Variants in COL4A1 observed in about 807,000 individuals in gnomAD.
COL4A1 encodes collagen alpha-1(IV) chain.
A neutral mutation model predicts 216.6 loss-of-function variants in COL4A1; 40 were observed. That is an observed-to-expected ratio of 0.18 (90% CI 0.14 to 0.24). COL4A1 has a LOEUF of 0.24. COL4A1 is among the 10% of genes least tolerant of loss of function. The pLI is 1.00. For missense variants in COL4A1, 1,628 were observed against 2,196.8 expected (o/e 0.74, Z 5.18); for synonymous variants, 839 against 810.7 (o/e 1.03, Z -0.59).
intron 45 of COL4A1, 103 bp from the exon 46 acceptor site, chr13:110,165,093 ACT>A: frequency 1.3e-6 from 2 of 1,516,716 alleles, no homozygotes; most frequent in East Asian, 4.8e-5. Flanking sequence ...AATGGAACGT[ACT>A]TCTCAAAGGT....
rs888035162 is a variant in COL4A1, at chr13:110,207,767, G to A, written c.694-278C>T. Reference sequence around the variant, plus strand: ...ATCTGAACACCTGCAAGACACCTCCGGACTTGCGTGCCCCTGTATAGTGTA... The same window carrying A: ...ATCTGAACACCTGCAAGACACCTCCAGACTTGCGTGCCCCTGTATAGTGTA... On this transcript the variant is annotated intron_variant, in intron 12 of 51. Coordinates refer to ENST00000375820, the MANE Select transcript of COL4A1 (RefSeq NM_001845.6). The surrounding 1 kb of genome is among the most constrained non-coding windows in gnomAD (Gnocchi z 4.4). 2.2e-4 allele frequency among the ~76,000 whole-genome samples: 34 copies of A among 152,228 alleles called. No individual in the cohort carries two copies. The highest frequency in any genetic ancestry group is 4.1e-4 in the African/African-American group (17 of 41,534).
rs780004769 is a variant in COL4A1 at position 110,156,851 on chromosome 13, T to A, written c.4641-1454A>T. ...AATAGGGCTGAATGAGTCATTTGATTTTCCATGGACTTGTGTGTGTGTCTG... is the reference window on the plus strand; with the variant it reads ...AATAGGGCTGAATGAGTCATTTGATATTCCATGGACTTGTGTGTGTGTCTG... On this transcript the variant is annotated intron_variant, in intron 49 of 51. Transcript: ENST00000375820. Among the ~76,000 whole-genome samples, 52 of 152,214 alleles carry A rather than the reference T, an allele frequency of 3.4e-4. 1 individual carries two copies. Among genetic ancestry groups the A allele is most frequent in the Admixed American group, 4.6e-4 (7 of 15,270 alleles).
intron 2 of COL4A1, among the ~76,000 whole-genome samples, chr13:110,216,572 C>G (rs1232492741): frequency 6.6e-6 from 1 of 152,106 alleles, no homozygotes; most frequent in Non-Finnish European, 1.5e-5. Context: ...CGCCATGAGA[C>G]CAGCGATGAT....
chr13:110,207,585 T>C lies in COL4A1; in HGVS notation c.694-96A>G. On this transcript the variant is annotated intron_variant, in intron 12 of 51. Coordinates refer to ENST00000375820, the MANE Select transcript of COL4A1 (RefSeq NM_001845.6). This position sits in a 1 kb window ranked among gnomAD's most constrained non-coding sequence, Gnocchi z 4.4. ...AGGTAAAAGCCTAAAATAAAACACCTATTTTTAAAATGTAATTATACTCTA... is the reference window on the plus strand; with the variant it reads ...AGGTAAAAGCCTAAAATAAAACACCCATTTTTAAAATGTAATTATACTCTA... 1 of 941,360 alleles carries C rather than the reference T, an allele frequency of 1.1e-6. No individual in the cohort carries two copies. Among genetic ancestry groups the C allele is most frequent in the Non-Finnish European group, 1.7e-6 (1 of 584,792 alleles). 58.3% of individuals were successfully genotyped at this position (941,360 alleles called of 1,614,324 possible). A position where few individuals can be genotyped will look rare whatever the true frequency, so the allele number is the denominator to read the frequency against.
At position 110,175,255 on chromosome 13, in the gene COL4A1, G is replaced by T; in HGVS notation, c.3161C>A (p.Pro1054Gln). The change falls in exon 37 of 52, where the codon CCA (proline) becomes CAA (glutamine). Residue 1054 changes from proline (P) to glutamine (Q), a missense_variant. Pro to Gln is a moderately conservative substitution (Grantham distance 76). Transcript: ENST00000375820. ...CAGCCCTGGGATGCCTATGCCAGGT[G>T]GGCCTGCCTGCCCTTTCTCTCCTTT... ...GAKGEKGQAG[P>Q]PGIGIPGLRG... 6.2e-7 allele frequency: 1 copy of T among 1,614,206 alleles called. No homozygotes were observed. Among genetic ancestry groups the T allele is most frequent in the Non-Finnish European group, 8.5e-7 (1 of 1,180,006 alleles).
At chr13:110,165,583 C>T (rs1039217773) in intron 45 of COL4A1, among the ~76,000 whole-genome samples, 20 of 151,604 alleles carry the variant, frequency 1.3e-4, no homozygotes, top group Middle Eastern at 3.4e-3. Context: ...TTCCACACAC[C>T]CTCCCTCACC....
At chr13:110,192,981 G>T in intron 22 of COL4A1, 68 bp from the exon 23 acceptor site, 1 of 1,446,468 alleles carries the variant, frequency 6.9e-7, no homozygotes, top group Non-Finnish European at 9.7e-7. Flanking sequence ...TGCACTGAGA[G>T]AACAGAAAAA....
At chr13:110,235,198 C>T (rs1348062340) in intron 2 of COL4A1, among the ~76,000 whole-genome samples, 4 of 151,982 alleles carry the variant, frequency 2.6e-5, no homozygotes, top group Non-Finnish European at 4.4e-5. Context: ...AATGAATGAA[C>T]TTATCCAAAG....
intron 2 of COL4A1, among the ~76,000 whole-genome samples, chr13:110,230,143 A>G (rs9521654): frequency 0.23 from 9,946 of 42,592 alleles, 419 homozygotes; most frequent in Admixed American, 0.34. Context: ...GAGGGCTGGG[A>G]GGTTCCTGAA....
chr13:110,280,620 A>C (rs1421632979), intron 1 of COL4A1, among the ~76,000 whole-genome samples: 1 of 152,254 alleles, frequency 6.6e-6, no homozygotes, highest in Non-Finnish European at 1.5e-5. Context: ...CTGAAGACAG[A>C]GGACAATCCC....
At chr13:110,162,834 T>A (rs1245415763) in intron 47 of COL4A1, among the ~76,000 whole-genome samples, 1 of 152,262 alleles carries the variant, frequency 6.6e-6, no homozygotes, top group Admixed American at 6.5e-5. Context: ...TGGGGAGGAC[T>A]ATCATAGAAT....
intron 2 of COL4A1, among the ~76,000 whole-genome samples, chr13:110,234,479 G>A (rs1243972502): frequency 2.0e-5 from 3 of 152,154 alleles, no homozygotes; most frequent in African/African-American, 4.8e-5. Flanking sequence ...CTACTTGGGA[G>A]GCTGAGGCGT....
intron 10 of COL4A1, 147 bp downstream of exon 10, chr13:110,209,833 T>C (rs1566376466): frequency 1.0e-6 from 1 of 1,002,352 alleles, no homozygotes; most frequent in Admixed American, 1.7e-5. Context: ...AGCCAAACGT[T>C]TAGTAAGAGG....
chr13:110,153,990 C>A (rs1016486394), intron 50 of COL4A1, among the ~76,000 whole-genome samples: 1 of 152,118 alleles, frequency 6.6e-6, no homozygotes, highest in Non-Finnish European at 1.5e-5. Context: ...CTACCCTCAG[C>A]GTCCTCACTC....
intron 2 of COL4A1, among the ~76,000 whole-genome samples, chr13:110,240,401 G>A (rs1881509748): frequency 6.6e-6 from 1 of 152,194 alleles, no homozygotes; most frequent in African/African-American, 2.4e-5. Context: ...GTCCTGGCCC[G>A]GGCTCTGCTG....
At chr13:110,169,511 C>CACACAT (rs2139154183) in intron 43 of COL4A1, 118 bp downstream of exon 43, 1 of 1,520,864 alleles carries the variant, frequency 6.6e-7, no homozygotes, top group Non-Finnish European at 8.8e-7. Flanking sequence ...CACACACACA[C>CACACAT]ACACACACAC....
intron 50 of COL4A1, among the ~76,000 whole-genome samples, chr13:110,154,536 G>A (rs931035139): frequency 1.3e-5 from 2 of 152,242 alleles, no homozygotes; most frequent in Non-Finnish European, 2.9e-5. Flanking sequence ...CCACGTGGAG[G>A]CTCTCTTCCT....
chr13:110,279,070 T>C (rs1883528646), intron 1 of COL4A1, among the ~76,000 whole-genome samples: 1 of 152,104 alleles, frequency 6.6e-6, no homozygotes, highest in Non-Finnish European at 1.5e-5. Flanking sequence ...CCATATGAAG[T>C]GTTTCGAGTC....
chr13:110,272,576 G>A (rs621047), intron 1 of COL4A1, among the ~76,000 whole-genome samples: 147,035 of 151,864 alleles, frequency 0.97, 71,336 homozygotes, highest in East Asian at 1. Context: ...CCCTCTAAAA[G>A]AAAAGGGGGG....
Sources: allele counts gnomAD v4.1 joint callset (sites outside exome capture counted in the v4.1 genomes callset), GRCh38; gene constraint gnomAD v4.1.1; non-coding constraint Gnocchi (gnomAD v3.1); transcripts MANE v1.5; gene names NCBI Gene and HGNC (gene_info 2026-07-23, HGNC 2026-07-21).